EPB41L3: variants seen among roughly 807,000 people sequenced by gnomAD.
EPB41L3 encodes erythrocyte membrane protein band 4.1 like 3, also known as band 4.1-like protein 3.
In EPB41L3, 57 loss-of-function variants were observed where a neutral mutation model predicts 127.1. That is an observed-to-expected ratio of 0.45 (90% CI 0.36 to 0.56). The LOEUF (loss-of-function observed/expected upper bound fraction) is 0.56. Ranked by LOEUF, EPB41L3 falls within the 20% of genes least tolerant of loss-of-function variation. The probability of loss-of-function intolerance (pLI) is 0.00; values close to 1 mark genes in which losing one functional copy is unlikely to be tolerated. For synonymous variants in EPB41L3, 572 were observed against 549.5 expected (o/e 1.04, Z -0.57); for missense variants, 1,273 against 1,372.2 (o/e 0.93, Z 1.14).
chr18:5,525,402 A>G (rs2093181542), intron 1 of EPB41L3, among the ~76,000 whole-genome samples: 1 of 152,210 alleles, frequency 6.6e-6, no homozygotes, highest in African/African-American at 2.4e-5. Flanking sequence ...GCTTTCCTAC[A>G]ATTCCCATTT....
chr18:5,553,566 A>G (rs1026361562), intron 3 of EPB41L3, among the ~76,000 whole-genome samples: 1 of 152,244 alleles, frequency 6.6e-6, no homozygotes, highest in African/African-American at 2.4e-5. Flanking sequence ...ACATGTATCC[A>G]TTTGACCAAG....
rs542095946 is a variant in EPB41L3 at position 5,498,619 on chromosome 18, G to T, written c.-11-9425C>A. ...CAAAAAAAAAAAAAAAAAGAAAATG[G>T]ACTTCAGAACTGATGACATCATTTC... On this transcript the variant is annotated intron_variant, in intron 1 of 22. Coordinates refer to ENST00000341928, the MANE Select transcript of EPB41L3 (RefSeq NM_012307.5). Among the ~76,000 whole-genome samples, 208 of 108,832 alleles carry T rather than the reference G, an allele frequency of 1.9e-3. 1 individual carries two copies. Among genetic ancestry groups the T allele is most frequent in the African/African-American group, 6.9e-3 (201 of 28,940 alleles). The allele number at this position is 108,832 out of a possible 152,430, so 71.4% of individuals were successfully genotyped here.
Position 5,583,738 on chromosome 18 carries a change from AT to A in EPB41L3, c.-306+28601del, listed in dbSNP as rs1000903520. The stretch of plus-strand genomic sequence containing the variant: ...CAGCATCTTAAAATTGAAGAGCTAT[AT>A]TTTTTTTTCAGATGATAAATGCCTT... On this transcript the variant is annotated intron_variant, in intron 3 of 21. Transcript: ENST00000545076. 1.3e-4 allele frequency among the ~76,000 whole-genome samples: 19 copies of A among 151,694 alleles called. 1 individual carries two copies. Among genetic ancestry groups the A allele is most frequent in the East Asian group, 7.7e-4 (4 of 5,166 alleles).
At chr18:5,484,836 C>T (rs1226970818) in intron 2 of EPB41L3, among the ~76,000 whole-genome samples, 4 of 151,442 alleles carry the variant, frequency 2.6e-5, no homozygotes, top group South Asian at 2.1e-4. Context: ...GAGATCAAAG[C>T]TATAATAAAA....
At chr18:5,546,964 C>T (rs550848154), upstream of EPB41L3, among the ~76,000 whole-genome samples, 2 of 152,262 alleles carry the variant, frequency 1.3e-5, no homozygotes, top group Non-Finnish European at 2.9e-5. Flanking sequence ...TTCAGGGATT[C>T]GGCTTCCTCA....
At chr18:5,459,811 AAAAT>A (rs1195045609) in intron 3 of EPB41L3, among the ~76,000 whole-genome samples, 1 of 152,214 alleles carries the variant, frequency 6.6e-6, no homozygotes, top group African/African-American at 2.4e-5. Flanking sequence ...CTTTTTTTCT[AAAAT>A]AAACTATTAT....
chr18:5,444,354 A>C (rs1333184239), intron 4 of EPB41L3, among the ~76,000 whole-genome samples: 1 of 152,220 alleles, frequency 6.6e-6, no homozygotes, highest in Non-Finnish European at 1.5e-5. Context: ...GATTTTCCTC[A>C]TTGGTAAAAT....
chr18:5,445,502 T>C (rs973579816), intron 3 of EPB41L3, among the ~76,000 whole-genome samples: 1 of 152,230 alleles, frequency 6.6e-6, no homozygotes, highest in African/African-American at 2.4e-5. Context: ...ACTTAGTATG[T>C]ACAGGTGACC....
At chr18:5,441,383 GA>G (rs1174571081) in intron 5 of EPB41L3, among the ~76,000 whole-genome samples, 1 of 152,000 alleles carries the variant, frequency 6.6e-6, no homozygotes, top group Non-Finnish European at 1.5e-5. Context: ...TGCCTTGGTT[GA>G]ATGTAAAATT....
intron 3 of EPB41L3, among the ~76,000 whole-genome samples, chr18:5,582,386 C>A (rs999892069): frequency 2.6e-5 from 4 of 152,212 alleles, no homozygotes; most frequent in Admixed American, 6.5e-5. Context: ...GGGGGAGGAC[C>A]AAGAACTTGG....
intron 5 of EPB41L3, 142 bp from the exon 6 acceptor site, chr18:5,438,252 T>C (rs1239396071): frequency 3.1e-6 from 2 of 636,026 alleles, no homozygotes; most frequent in Non-Finnish European, 5.3e-6. Flanking sequence ...CTTGGTCACA[T>C]GAAATCTACA....
intron 1 of EPB41L3, among the ~76,000 whole-genome samples, chr18:5,625,100 C>G (rs892534275): frequency 6.6e-6 from 1 of 152,000 alleles, no homozygotes; most frequent in Non-Finnish European, 1.5e-5. Flanking sequence ...TACAGGAGAG[C>G]AAACACAGGG....
chr18:5,406,792 T>G lies in EPB41L3; in HGVS notation c.2334A>C (p.Pro778=). The stretch of plus-strand genomic sequence containing the variant: ...GACTACTGACCTCTTCAGGGACAAG[T>G]GGTTCGATCATGGGGGCATCCTCCT... ...ARQEDAPMIE[P]LVPEETKQSS... The change falls in exon 16 of 23, where the codon CCA becomes CCC. Residue 778 remains proline (P), a synonymous_variant. Transcript: ENST00000341928. 3.1e-6 allele frequency: 5 copies of G among 1,613,886 alleles called. No homozygotes were observed. The highest frequency in any genetic ancestry group is 4.2e-6 in the Non-Finnish European group (5 of 1,179,914).
upstream of EPB41L3, chr18:5,544,234 C>A (rs1056181813): frequency 5.1e-6 from 5 of 985,600 alleles, no homozygotes; most frequent in East Asian, 1.1e-4. Flanking sequence ...TCAGGCTCCG[C>A]GGACGACGCC....
At chr18:5,521,024 A>G (rs1166178522) in intron 1 of EPB41L3, among the ~76,000 whole-genome samples, 2 of 152,218 alleles carry the variant, frequency 1.3e-5, no homozygotes, top group African/African-American at 2.4e-5. Context: ...ATAATTATCA[A>G]TATTAACTGA....
intron 1 of EPB41L3, among the ~76,000 whole-genome samples, chr18:5,494,867 A>T (rs2090997663): frequency 6.6e-6 from 1 of 152,146 alleles, no homozygotes; most frequent in Non-Finnish European, 1.5e-5. Flanking sequence ...AGACGGACAC[A>T]GGCAGGTCCT....
Position 5,443,857 on chromosome 18 carries a change from T to G in EPB41L3, c.510A>C (p.Glu170Asp). 6.2e-7 allele frequency: 1 copy of G among 1,609,872 alleles called. No homozygotes were observed. The highest frequency in any genetic ancestry group is 8.5e-7 in the Non-Finnish European group (1 of 1,178,680). Residue 170 changes from glutamate to aspartate, a missense_variant, in exon 5 of 23, where the codon GAA (glutamate) becomes GAC (aspartate). By Grantham distance (45) the Glu-to-Asp change is conservative. Coordinates refer to ENST00000341928, the MANE Select transcript of EPB41L3 (RefSeq NM_012307.5). ...ACTTACTTCGAACCTGTTTTTTTATTTCCTTAGCAGGGTCCAACCAATTCT... is the reference window on the plus strand; with the variant it reads ...ACTTACTTCGAACCTGTTTTTTTATGTCCTTAGCAGGGTCCAACCAATTCT... ...NQKNWLDPAK[E>D]IKKQVRSGAW...
chr18:5,406,858 C>T lies in EPB41L3; in HGVS notation c.2268G>A (p.Glu756=). The T allele has an allele frequency of 6.2e-7, 1 of 1,614,200 alleles. No homozygotes were observed. The highest frequency in any genetic ancestry group is 8.5e-7 in the Non-Finnish European group (1 of 1,180,032). ...GCACGGGGGAGGTGGAAAGCCTCTTCTCCCATTCATTCGTTACGGCAGTGT... is the reference window on the plus strand; with the variant it reads ...GCACGGGGGAGGTGGAAAGCCTCTTTTCCCATTCATTCGTTACGGCAGTGT... ...STDTAVTNEW[E]KRLSTSPVRL... Residue 756 remains glutamate, a synonymous_variant, in exon 16 of 23, where the codon GAG becomes GAA. Transcript: ENST00000341928.
rs1371370648 is a variant in EPB41L3 at position 5,401,426 on chromosome 18, T to C, written c.2350-3283A>G. The stretch of plus-strand genomic sequence containing the variant: ...AAAAGTGGGTATTTAAAATAAAACA[T>C]TAAGAAATTTTTAAAAATTTAAAAT... On this transcript the variant is annotated intron_variant, in intron 16 of 22. Coordinates refer to ENST00000341928, the MANE Select transcript of EPB41L3 (RefSeq NM_012307.5). Among the ~76,000 whole-genome samples the C allele has an allele frequency of 2.0e-5, 3 of 152,136 alleles. No homozygotes were observed. In the East Asian group the frequency reaches 5.8e-4, roughly 29 times the overall value.
Sources: gnomAD v4.1 joint callset for allele counts (sites outside exome capture counted in the v4.1 genomes callset) on GRCh38, gnomAD v4.1.1 for gene constraint, MANE v1.5 for transcripts, NCBI Gene and HGNC (gene_info 2026-07-23, HGNC 2026-07-21) for gene names.